Variants in SPMIP2 observed in about 807,000 individuals in gnomAD.
SPMIP2 encodes sperm microtubule inner protein 2.
the SPMIP2 span, among the ~76,000 whole-genome samples, chr4:159,053,198 C>T: frequency 6.7e-6 from 1 of 149,856 alleles, no homozygotes; most frequent in Non-Finnish European, 1.5e-5. Context: ...CCTCGTGATC[C>T]GCCCGCCTCG....
chr4:158,994,868 A>G, the SPMIP2 span, among the ~76,000 whole-genome samples: 11 of 152,216 alleles, frequency 7.2e-5, no homozygotes, highest in African/African-American at 2.4e-4. Context: ...AGGCTCTCCA[A>G]TTCTGACATT....
At chr4:159,013,126 T>C in the SPMIP2 span, among the ~76,000 whole-genome samples, 1 of 152,210 alleles carries the variant, frequency 6.6e-6, no homozygotes, top group Admixed American at 6.5e-5. Flanking sequence ...GAACCCTGTA[T>C]GTTGCTGGTG....
At chr4:159,031,700 A>T in the SPMIP2 span, among the ~76,000 whole-genome samples, 1 of 152,222 alleles carries the variant, frequency 6.6e-6, no homozygotes, top group Non-Finnish European at 1.5e-5. Context: ...GCACAATAAA[A>T]TATGTAAGTG....
At chr4:158,940,402 A>G in the SPMIP2 span, among the ~76,000 whole-genome samples, 1 of 152,150 alleles carries the variant, frequency 6.6e-6, no homozygotes, top group Non-Finnish European at 1.5e-5. Flanking sequence ...CCAAGGAAAC[A>G]ATTCATCTTG....
At chr4:159,056,780 G>C in the SPMIP2 span, among the ~76,000 whole-genome samples, 1 of 152,164 alleles carries the variant, frequency 6.6e-6, no homozygotes, top group Non-Finnish European at 1.5e-5. Flanking sequence ...AGCAACAAGT[G>C]GGGTGGGGAT....
chr4:159,066,116 T>C, the SPMIP2 span, among the ~76,000 whole-genome samples: 1 of 152,068 alleles, frequency 6.6e-6, no homozygotes, highest in Non-Finnish European at 1.5e-5. Context: ...TTGGGCAAAA[T>C]GTTGCAGTCC....
chr4:158,900,758 G>A, the SPMIP2 span, among the ~76,000 whole-genome samples: 10 of 152,146 alleles, frequency 6.6e-5, no homozygotes, highest in Admixed American at 1.3e-4. Context: ...CCTGAATACA[G>A]CACAATCATG....
At chr4:158,982,883 A>T in the SPMIP2 span, among the ~76,000 whole-genome samples, 5 of 152,316 alleles carry the variant, frequency 3.3e-5, no homozygotes, top group African/African-American at 1.2e-4. Flanking sequence ...AGGAAATTCA[A>T]ACCAAAGGCA....
chr4:159,033,427 A>T, the SPMIP2 span, among the ~76,000 whole-genome samples: 5 of 152,248 alleles, frequency 3.3e-5, no homozygotes, highest in Non-Finnish European at 7.3e-5. Context: ...TTAATAGCAT[A>T]AAAAGCAAAC....
At chr4:158,947,830 TTCA>T in the SPMIP2 span, among the ~76,000 whole-genome samples, 5 of 152,308 alleles carry the variant, frequency 3.3e-5, no homozygotes, top group Admixed American at 2.0e-4. Context: ...AATCAATTTT[TTCA>T]TCATTATTTA....
chr4:158,965,668 T>TAA, the SPMIP2 span, among the ~76,000 whole-genome samples: 693 of 145,948 alleles, frequency 4.7e-3, 8 homozygotes, highest in African/African-American at 0.015. Flanking sequence ...AGTTTCTATT[T>TAA]AAAAAAAAAA....
the SPMIP2 span, among the ~76,000 whole-genome samples, chr4:158,998,386 CTTAA>C: frequency 2.0e-5 from 3 of 152,172 alleles, no homozygotes; most frequent in African/African-American, 7.2e-5. Flanking sequence ...ATTTATTAGA[CTTAA>C]TTAATTGATT....
the SPMIP2 span, among the ~76,000 whole-genome samples, chr4:159,011,554 C>T: frequency 6.6e-6 from 1 of 151,466 alleles, no homozygotes; most frequent in Non-Finnish European, 1.5e-5. Flanking sequence ...GAGTTCAAGA[C>T]CATCCTGACT....
At chr4:158,929,676 A>G in the SPMIP2 span, among the ~76,000 whole-genome samples, 1 of 152,206 alleles carries the variant, frequency 6.6e-6, no homozygotes, top group Non-Finnish European at 1.5e-5. Context: ...TTGCTTCAGT[A>G]TAACTCCATT....
chr4:159,057,445 C>A, the SPMIP2 span, among the ~76,000 whole-genome samples: 1 of 152,132 alleles, frequency 6.6e-6, no homozygotes, highest in African/African-American at 2.4e-5. Context: ...ATCAAGGACA[C>A]CTATTCCAAA....
chr4:159,046,867 C>T, the SPMIP2 span, among the ~76,000 whole-genome samples: 1 of 152,222 alleles, frequency 6.6e-6, no homozygotes, highest in African/African-American at 2.4e-5. Flanking sequence ...GCAACTACGC[C>T]CAGCCCTTCA....
chr4:159,014,583 C>T, the SPMIP2 span, among the ~76,000 whole-genome samples: 1 of 152,018 alleles, frequency 6.6e-6, no homozygotes, highest in Non-Finnish European at 1.5e-5. Flanking sequence ...CATATGTATA[C>T]AAATTTAAAC....
chr4:158,989,480 A>G, the SPMIP2 span, among the ~76,000 whole-genome samples: 439 of 152,326 alleles, frequency 2.9e-3, 3 homozygotes, highest in African/African-American at 0.01. Flanking sequence ...ATGTCAAACT[A>G]TACTACAAGG....
the SPMIP2 span, among the ~76,000 whole-genome samples, chr4:158,945,481 C>T: frequency 7.4e-3 from 1,132 of 152,278 alleles, 11 homozygotes; most frequent in African/African-American, 0.025. Flanking sequence ...AAGGGCATTT[C>T]CTTTTCATCG....
Sources: allele counts gnomAD v4.1 joint callset (sites outside exome capture counted in the v4.1 genomes callset), GRCh38; gene constraint gnomAD v4.1.1; transcripts MANE v1.5; gene names NCBI Gene and HGNC (gene_info 2026-07-23, HGNC 2026-07-21).